TMED3: variants seen among roughly 807,000 people sequenced by gnomAD.
TMED3 encodes the protein transmembrane p24 trafficking protein 3.
Under a neutral mutation model 15.0 loss-of-function variants are expected in TMED3, and 9 were observed. The observed-to-expected ratio is 0.60, with a 90% CI of 0.36 to 1.04. The LOEUF (loss-of-function observed/expected upper bound fraction) is 1.04. TMED3 is among the 50% of genes least tolerant of loss of function. TMED3 has a pLI of 0.01. For missense variants in TMED3, 267 were observed against 278.9 expected (o/e 0.96, Z 0.30); for synonymous variants, 117 against 121.4 (o/e 0.96, Z 0.24).
intron 2 of TMED3, among the ~76,000 whole-genome samples, chr15:79,372,807 T>G (rs1893364223): frequency 6.6e-6 from 1 of 152,196 alleles, no homozygotes; most frequent in Non-Finnish European, 1.5e-5. Context: ...TACCGTTCAG[T>G]TCCCAGCTAG....
chr15:79,362,959 G>A (rs1185860791), intron 2 of TMED3, among the ~76,000 whole-genome samples: 1 of 152,188 alleles, frequency 6.6e-6, no homozygotes, highest in Non-Finnish European at 1.5e-5. Flanking sequence ...AAGATAATGT[G>A]TGCTATCAGA....
intron 2 of TMED3, among the ~76,000 whole-genome samples, chr15:79,382,688 C>T (rs1162113288): frequency 6.6e-6 from 1 of 152,168 alleles, no homozygotes; most frequent in Non-Finnish European, 1.5e-5. Context: ...GGCTGGAAAC[C>T]TTAATCCCTT....
At chr15:79,352,390 C>T (rs1186777383) in intron 2 of TMED3, among the ~76,000 whole-genome samples, 2 of 152,134 alleles carry the variant, frequency 1.3e-5, no homozygotes, top group South Asian at 2.1e-4. Context: ...AGTCCATGGC[C>T]ATTTTTCAGA....
intron 2 of TMED3, among the ~76,000 whole-genome samples, chr15:79,398,404 C>T (rs1311341222): frequency 6.6e-6 from 1 of 151,584 alleles, no homozygotes; most frequent in Non-Finnish European, 1.5e-5. Context: ...CTCAAGTGAT[C>T]TGCCTGCCCC....
At position 79,381,897 on chromosome 15, in the gene TMED3, CCATATGGACTTAAAAATATTG is replaced by C. The variant is rs1479702059; in HGVS notation, c.418-29499_418-29479del. The stretch of plus-strand genomic sequence containing the variant: ...GGGGTCTTAATGCTGTCAGAAGTAT[CCATATGGACTTAAAAATATTG>C]CATCACAGCCTAGAGGTGACCAGCT... On this transcript the variant is annotated intron_variant, in intron 2 of 2. Transcript: ENST00000424155. Among the ~76,000 whole-genome samples the C allele has an allele frequency of 2.6e-5, 4 of 152,180 alleles. No individual in the cohort carries two copies. In the East Asian group the frequency reaches 7.7e-4, roughly 29 times the overall value.
chr15:79,322,913 A>G (rs775882779), downstream of TMED3: 47 of 983,982 alleles, frequency 4.8e-5, no homozygotes, highest in Non-Finnish European at 7.2e-6. Context: ...GTGTGTGCAT[A>G]AATAATTAGA....
chr15:79,351,862 C>A (rs1237486865), intron 2 of TMED3, among the ~76,000 whole-genome samples: 1 of 151,994 alleles, frequency 6.6e-6, no homozygotes, highest in African/African-American at 2.4e-5. Context: ...ATGTGATATA[C>A]GTATATGATG....
chr15:79,361,290 A>G (rs1893123567), intron 2 of TMED3, among the ~76,000 whole-genome samples: 1 of 152,274 alleles, frequency 6.6e-6, no homozygotes, highest in East Asian at 1.9e-4. Flanking sequence ...AATAAGAATG[A>G]TAAAACTTAT....
Position 79,338,738 on chromosome 15 carries a change from CCAGAAGACA to C in TMED3, c.417+24734_417+24742del, listed in dbSNP as rs773730948. Among the ~76,000 whole-genome samples, 1,515 of 152,170 alleles carry C rather than the reference CCAGAAGACA, an allele frequency of 1.0e-2. 30 individuals carry two copies. Among genetic ancestry groups the C allele is most frequent in the African/African-American group, 0.034 (1,426 of 41,502 alleles). On this transcript the variant is annotated intron_variant, in intron 2 of 2. Transcript: ENST00000424155. ...GCTGAGGGGACATAGTGAGGAGTGA[CCAGAAGACA>C]GAGTGCGAGCCTTCTGTTATGCCCA...
intron 2 of TMED3, among the ~76,000 whole-genome samples, chr15:79,353,042 ATATATATAAAAAATG>A (rs1450011720): frequency 1.0e-5 from 1 of 95,604 alleles, no homozygotes; most frequent in Non-Finnish European, 1.8e-5. Context: ...TATATATATT[ATATATATAAAAAATG>A]TATATATAAA....
At chr15:79,374,494 C>T (rs75346897) in intron 2 of TMED3, among the ~76,000 whole-genome samples, 3 of 152,098 alleles carry the variant, frequency 2.0e-5, no homozygotes, top group African/African-American at 2.4e-5. Context: ...ATGTTTGAGA[C>T]CTTTTCTGCC....
At chr15:79,411,503 A>T (rs1398125296) in exon 3 of TMED3, 1 of 702,020 alleles carries the variant, frequency 1.4e-6, no homozygotes, top group Non-Finnish European at 2.6e-6. Context: ...GCACCCTCCT[A>T]ACAGATTTTC....
At chr15:79,399,163 G>C (rs748293461) in intron 2 of TMED3, among the ~76,000 whole-genome samples, 8 of 151,950 alleles carry the variant, frequency 5.3e-5, no homozygotes, top group African/African-American at 1.9e-4. Context: ...CACCTGCCTC[G>C]GCCTCCCAAA....
intron 2 of TMED3, among the ~76,000 whole-genome samples, chr15:79,320,072 T>C (rs904427313): frequency 3.9e-5 from 6 of 152,134 alleles, no homozygotes; most frequent in Non-Finnish European, 8.8e-5. Context: ...AGTCCCCCTT[T>C]CCCAGTCTGC....
At chr15:79,362,001 T>C (rs1893136178) in intron 2 of TMED3, among the ~76,000 whole-genome samples, 1 of 152,146 alleles carries the variant, frequency 6.6e-6, no homozygotes, top group Non-Finnish European at 1.5e-5. Flanking sequence ...ATAAGAAGAA[T>C]ACAAAGCTTT....
chr15:79,394,085 G>A (rs1181203245), intron 2 of TMED3, among the ~76,000 whole-genome samples: 2 of 152,096 alleles, frequency 1.3e-5, no homozygotes, highest in African/African-American at 4.8e-5. Context: ...ACACCAAAAT[G>A]TATATGACTG....
intron 2 of TMED3, chr15:79,383,834 G>C (rs909697496): frequency 1.3e-5 from 2 of 152,212 alleles, no homozygotes; most frequent in African/African-American, 4.8e-5. Context: ...AGACACTTTT[G>C]AAAGCCAGGA....
rs1444983405 is a variant in TMED3 at position 79,368,416 on chromosome 15, G to A, written c.418-42984G>A. Among the ~76,000 whole-genome samples, 3 of 152,158 alleles carry A rather than the reference G, an allele frequency of 2.0e-5. No individual in the cohort carries two copies. The South Asian group carries it at 6.2e-4, about 32-fold the overall frequency. ...TGAGAACTCCTTTAGTGAAAAAGGTGGGGTTTGCTTCTTGCTGTGAGGGAG... is the reference window on the plus strand; with the variant it reads ...TGAGAACTCCTTTAGTGAAAAAGGTAGGGTTTGCTTCTTGCTGTGAGGGAG... On this transcript the variant is annotated intron_variant, in intron 2 of 2. Transcript: ENST00000424155.
chr15:79,352,720 C>T (rs1448440381), intron 2 of TMED3, among the ~76,000 whole-genome samples: 1 of 140,550 alleles, frequency 7.1e-6, no homozygotes, highest in Non-Finnish European at 1.5e-5. Flanking sequence ...TTCACCCAAC[C>T]TTTTATGGTA....
Sources: gnomAD v4.1 joint callset for allele counts (sites outside exome capture counted in the v4.1 genomes callset) on GRCh38, gnomAD v4.1.1 for gene constraint, MANE v1.5 for transcripts, NCBI Gene and HGNC (gene_info 2026-07-23, HGNC 2026-07-21) for gene names.